The following MTREX variants were observed in gnomAD, a reference collection of about 807,000 sequenced individuals.
MTREX encodes Mtr4 exosome RNA helicase.
A neutral mutation model predicts 135.4 loss-of-function variants in MTREX; 76 were observed. The ratio of observed to expected loss-of-function variants is 0.56; its 90% CI spans 0.47 to 0.68. MTREX has a LOEUF of 0.68. Ranked by LOEUF, MTREX falls within the 30% of genes least tolerant of loss-of-function variation. The probability of loss-of-function intolerance (pLI) is 0.00; values close to 1 mark genes in which losing one functional copy is unlikely to be tolerated. For missense variants in MTREX, 920 were observed against 1,262.1 expected, an observed-to-expected ratio of 0.73 and a Z score of 4.11; for synonymous variants, 404 against 401.6, an observed-to-expected ratio of 1.01 and a Z score of -0.07.
chr5:55,404,094 A>T (rs985535368), intron 21 of MTREX, among the ~76,000 whole-genome samples: 3 of 152,232 alleles, frequency 2.0e-5, no homozygotes, highest in African/African-American at 7.2e-5. Context: ...AATAGAGGAC[A>T]TTGGTAGTCT....
chr5:55,324,262 T>C (rs1749334263), intron 3 of MTREX, 64 bp downstream of exon 3: 1 of 1,148,226 alleles, frequency 8.7e-7, no homozygotes, highest in Non-Finnish European at 1.3e-6. Flanking sequence ...GACTATCTAG[T>C]ATGATGATCA....
chr5:55,337,226 T>G (rs552361893), intron 5 of MTREX, among the ~76,000 whole-genome samples: 1 of 152,298 alleles, frequency 6.6e-6, no homozygotes, highest in African/African-American at 2.4e-5. Flanking sequence ...GCTCAACTGA[T>G]GCTCCCACCT....
At chr5:55,424,241 G>C (rs1751108628) in intron 26 of MTREX, 3 of 152,678 alleles carry the variant, frequency 2.0e-5, no homozygotes, top group Admixed American at 2.0e-4. Context: ...CCACCTCCCA[G>C]GTTCAAGCGA....
chr5:55,358,360 T>C (rs954616449), intron 14 of MTREX, among the ~76,000 whole-genome samples: 2 of 152,224 alleles, frequency 1.3e-5, no homozygotes, highest in African/African-American at 4.8e-5. Flanking sequence ...AGTTTTGTTA[T>C]GTCAGTGTGA....
intron 18 of MTREX, among the ~76,000 whole-genome samples, chr5:55,380,552 T>C (rs1345837025): frequency 6.6e-6 from 1 of 152,216 alleles, no homozygotes; most frequent in East Asian, 1.9e-4. Flanking sequence ...TTTTATTCTA[T>C]TTTGTATTCT....
intron 16 of MTREX, among the ~76,000 whole-genome samples, chr5:55,374,588 C>A (rs1464869573): frequency 1.3e-5 from 2 of 151,816 alleles, no homozygotes; most frequent in Non-Finnish European, 2.9e-5. Flanking sequence ...CTGTGCCTAG[C>A]CAAAAAAACA....
chr5:55,334,564 A>G (rs1749524330), intron 5 of MTREX, among the ~76,000 whole-genome samples: 2 of 152,108 alleles, frequency 1.3e-5, no homozygotes, highest in African/African-American at 4.8e-5. Context: ...GACACTGCTG[A>G]TTTTTTAAGT....
At chr5:55,338,138 A>G (rs537366977) in intron 5 of MTREX, among the ~76,000 whole-genome samples, 1 of 152,198 alleles carries the variant, frequency 6.6e-6, no homozygotes, top group East Asian at 1.9e-4. Context: ...TTTTATATAT[A>G]CCTTTACATA....
In MTREX at chr5:55,308,080, A is replaced by G. The variant is rs753710402; in HGVS notation, c.67A>G (p.Thr23Ala). The G allele has an allele frequency of 3.1e-6, 5 of 1,613,874 alleles. No homozygotes were observed. Among genetic ancestry groups the G allele is most frequent in the Middle Eastern group, 1.6e-4 (1 of 6,084 alleles). The change falls in exon 1 of 27, where the codon ACC becomes GCC. Residue 23 changes from threonine to alanine, a missense_variant. Thr to Ala is a moderately conservative substitution (Grantham distance 58, BLOSUM62 0). Coordinates refer to ENST00000230640, the MANE Select transcript of MTREX (RefSeq NM_015360.5). ...GGGCGACTCGACCACTGCGGCGGGA[A>G]CCAAAAAAGACAAGGAAAAGGACAA... ...FEGDSTTAAG[T>A]KKDKEKDKGK...
chr5:55,379,210 T>A lies in MTREX; in HGVS notation c.2052+15T>A, dbSNP rs779224365. 1.3e-5 allele frequency: 19 copies of A among 1,472,050 alleles called. No individual in the cohort carries two copies. In the South Asian group the frequency reaches 2.1e-4, roughly 16 times the overall value. The allele number at this position is 1,472,050 out of a possible 1,614,324, so 91.2% of individuals were successfully genotyped here. On this transcript the variant is annotated intron_variant, in intron 18 of 26. Transcript: ENST00000230640. ...CAAATGTTAAGGTAAACTATTATCTTTAAATTAGAATTGTATATCAATTTT... is the reference window on the plus strand; with the variant it reads ...CAAATGTTAAGGTAAACTATTATCTATAAATTAGAATTGTATATCAATTTT...
intron 1 of MTREX, 100 bp downstream of exon 1, chr5:55,308,247 T>G (rs1749003560): frequency 3.6e-6 from 5 of 1,380,468 alleles, no homozygotes; most frequent in Non-Finnish European, 4.8e-6. Flanking sequence ...GAAGTGTACA[T>G]TGAGTGGCGT....
chr5:55,381,631 GT>G (rs1237399959), intron 18 of MTREX, among the ~76,000 whole-genome samples: 2 of 152,130 alleles, frequency 1.3e-5, no homozygotes, highest in Non-Finnish European at 2.9e-5. Context: ...TCTTTCAGTA[GT>G]TTTGAATTGT....
intron 16 of MTREX, among the ~76,000 whole-genome samples, chr5:55,377,346 A>C (rs1750322702): frequency 6.6e-6 from 1 of 152,176 alleles, no homozygotes; most frequent in Admixed American, 6.6e-5. Context: ...AGAAGAAAAA[A>C]GGCTATGGAT....
At chr5:55,331,534 G>A (rs1261934242) in intron 5 of MTREX, among the ~76,000 whole-genome samples, 1 of 152,250 alleles carries the variant, frequency 6.6e-6, no homozygotes. Context: ...ATAAGATTTG[G>A]TAATTTTTAT....
intron 21 of MTREX, among the ~76,000 whole-genome samples, chr5:55,401,279 C>T (rs559780492): frequency 6.6e-6 from 1 of 152,300 alleles, no homozygotes; most frequent in Non-Finnish European, 1.5e-5. Flanking sequence ...ATATTATCCA[C>T]TTGCCTCAGC....
intron 25 of MTREX, among the ~76,000 whole-genome samples, chr5:55,416,942 ATAT>A (rs995824369): frequency 1.3e-5 from 2 of 152,182 alleles, no homozygotes; most frequent in African/African-American, 4.8e-5. Flanking sequence ...CTTTCAACTG[ATAT>A]TATTAAAGAA....
At chr5:55,364,407 A>T (rs1750063168) in intron 15 of MTREX, among the ~76,000 whole-genome samples, 3 of 152,200 alleles carry the variant, frequency 2.0e-5, no homozygotes, top group Admixed American at 2.0e-4. Flanking sequence ...TTCTTAACAC[A>T]CTTCTGCTAT....
chr5:55,382,375 T>G (rs1173177704), intron 18 of MTREX, among the ~76,000 whole-genome samples: 2 of 152,168 alleles, frequency 1.3e-5, no homozygotes, highest in Non-Finnish European at 2.9e-5. Flanking sequence ...AGAGATTTTC[T>G]TAGTGTTTGC....
chr5:55,358,485 T>A, intron 14 of MTREX, 88 bp from the exon 15 acceptor site: 1 of 1,118,100 alleles, frequency 8.9e-7, no homozygotes, highest in Non-Finnish European at 1.3e-6. Context: ...TTATAACTTG[T>A]TATAAATTTT....
Sources: gnomAD v4.1 joint callset for allele counts (sites outside exome capture counted in the v4.1 genomes callset) on GRCh38, gnomAD v4.1.1 for gene constraint, MANE v1.5 for transcripts, NCBI Gene and HGNC (gene_info 2026-07-23, HGNC 2026-07-21) for gene names.